Variants in MED13L observed in about 807,000 individuals in gnomAD.
MED13L encodes the protein mediator complex subunit 13L, also known as mediator of RNA polymerase II transcription subunit 13-like.
A neutral mutation model predicts 220.9 loss-of-function variants in MED13L; 7 were observed. The observed-to-expected ratio is 0.03, with a 90% CI of 0.02 to 0.06. The LOEUF is 0.06. Ranked by LOEUF, MED13L falls within the 10% of genes least tolerant of loss-of-function variation. MED13L has a pLI of 1.00. For synonymous variants in MED13L, 1,011 were observed against 1,015.2 expected (o/e 1.00, Z 0.08); for missense variants, 1,965 against 2,760.5 (o/e 0.71, Z 6.46).
chr12:116,255,090 C>A (rs1057022137), intron 1 of MED13L, among the ~76,000 whole-genome samples: 1 of 152,084 alleles, frequency 6.6e-6, no homozygotes, highest in Admixed American at 6.5e-5. Flanking sequence ...AGAATCAATA[C>A]AATTTTTAAA....
chr12:116,017,367 C>G (rs1162596579), intron 7 of MED13L, among the ~76,000 whole-genome samples: 3 of 152,008 alleles, frequency 2.0e-5, no homozygotes. Flanking sequence ...AAGTACAAGG[C>G]AAAACAAAAA....
rs1873934405 is a variant in MED13L, at chr12:116,277,141, C to A, written c.-10G>T. ...TCGCTGCCGCAGTCATGATCCTCCG[C>A]GAGCCCGGCCGCCAGAGCGGGGCAT... On this transcript the variant is annotated 5_prime_UTR_variant, in exon 1 of 31. Coordinates refer to ENST00000281928, the MANE Select transcript of MED13L (RefSeq NM_015335.5). 6.4e-7 allele frequency: 1 copy of A among 1,565,838 alleles called. No individual in the cohort carries two copies. The highest frequency in any genetic ancestry group is 8.6e-7 in the Non-Finnish European group (1 of 1,156,866).
At chr12:116,262,982 C>A (rs1031997685) in intron 1 of MED13L, among the ~76,000 whole-genome samples, 1 of 152,096 alleles carries the variant, frequency 6.6e-6, no homozygotes, top group African/African-American at 2.4e-5. Context: ...CAAGTTAAAG[C>A]GACATACTTT....
At chr12:116,090,087 T>A (rs1872058955) in intron 4 of MED13L, among the ~76,000 whole-genome samples, 1 of 152,196 alleles carries the variant, frequency 6.6e-6, no homozygotes. Flanking sequence ...ACATCCTAAA[T>A]GAGGCTGAGA....
At chr12:116,219,041 C>T (rs1001486645) in intron 2 of MED13L, among the ~76,000 whole-genome samples, 2 of 152,152 alleles carry the variant, frequency 1.3e-5, no homozygotes, top group African/African-American at 4.8e-5. Flanking sequence ...CAGCCTATAC[C>T]GAAATTCTTA....
At chr12:116,240,117 C>CTT (rs200079083) in intron 1 of MED13L, among the ~76,000 whole-genome samples, 2 of 147,540 alleles carry the variant, frequency 1.4e-5, no homozygotes, top group South Asian at 4.3e-4. Context: ...TTACAAGTTC[C>CTT]TTTTTTTTTT....
intron 1 of MED13L, among the ~76,000 whole-genome samples, chr12:116,269,347 C>T: frequency 6.6e-6 from 1 of 151,938 alleles, no homozygotes; most frequent in African/African-American, 2.4e-5. Context: ...CTGAGCACCG[C>T]ACCCGGCCTA....
intron 2 of MED13L, among the ~76,000 whole-genome samples, chr12:116,139,829 G>A (rs1446870977): frequency 3.9e-5 from 6 of 151,954 alleles, no homozygotes; most frequent in Non-Finnish European, 8.8e-5. Flanking sequence ...ATTTAGCCAG[G>A]CATGGCAGCA....
chr12:116,262,749 G>A lies in MED13L; in HGVS notation c.72+14311C>T, dbSNP rs114759553. 7.4e-3 allele frequency among the ~76,000 whole-genome samples: 1,120 copies of A among 152,282 alleles called. 21 individuals carry two copies. Among genetic ancestry groups the A allele is most frequent in the African/African-American group, 0.025 (1,054 of 41,564 alleles). On this transcript the variant is annotated intron_variant, in intron 1 of 30. Coordinates refer to ENST00000281928, the MANE Select transcript of MED13L (RefSeq NM_015335.5). The stretch of plus-strand genomic sequence containing the variant: ...TATATAACAAACTATGGATTCTCAT[G>A]AGAATCATTCCGCTGTTTAATTAAA...
intron 4 of MED13L, among the ~76,000 whole-genome samples, chr12:116,080,237 G>T: frequency 6.6e-6 from 1 of 152,010 alleles, no homozygotes; most frequent in Non-Finnish European, 1.5e-5. Context: ...TACTTGGCAG[G>T]GTTTGGATAA....
chr12:116,022,751 G>T, intron 4 of MED13L, 150 bp from the exon 5 acceptor site: 2 of 835,440 alleles, frequency 2.4e-6, no homozygotes, highest in East Asian at 2.7e-5. Context: ...TTCTAATTCA[G>T]TATTGACAAA....
rs199550041 is a variant in MED13L at position 116,237,712 on chromosome 12, A to G, written c.73-7T>C. ...TGATTCCCGTGAGTTCAGCCTGGAAAAAGACAAAAAATTGTAATCGTTTTC... is the reference window on the plus strand; with the variant it reads ...TGATTCCCGTGAGTTCAGCCTGGAAGAAGACAAAAAATTGTAATCGTTTTC... On this transcript the variant is annotated splice_region_variant and splice_polypyrimidine_tract_variant and intron_variant, in intron 1 of 30. Transcript: ENST00000281928. The G allele has an allele frequency of 2.2e-4, 351 of 1,612,014 alleles. 1 individual carries two copies. Among genetic ancestry groups the G allele is most frequent in the Admixed American group, 1.0e-3 (62 of 60,022 alleles).
intron 8 of MED13L, among the ~76,000 whole-genome samples, chr12:116,013,522 T>C (rs1378488024): frequency 6.6e-6 from 1 of 152,216 alleles, no homozygotes; most frequent in Non-Finnish European, 1.5e-5. Flanking sequence ...TATCTCATTA[T>C]GTATATGCAA....
At chr12:115,986,205 T>C in intron 19 of MED13L, 61 bp downstream of exon 19, 1 of 1,466,582 alleles carries the variant, frequency 6.8e-7, no homozygotes, top group Non-Finnish European at 9.6e-7. Flanking sequence ...AATTTAGTCA[T>C]CACTATAAAC....
At chr12:116,268,006 AAAC>A (rs1404076801) in intron 1 of MED13L, among the ~76,000 whole-genome samples, 1 of 152,230 alleles carries the variant, frequency 6.6e-6, no homozygotes, top group Non-Finnish European at 1.5e-5. Flanking sequence ...GCTGAAATAA[AAAC>A]AGCATACTTG....
At chr12:116,036,304 G>A (rs1025236725) in intron 4 of MED13L, among the ~76,000 whole-genome samples, 1 of 152,182 alleles carries the variant, frequency 6.6e-6, no homozygotes, top group Admixed American at 6.5e-5. Flanking sequence ...AATAATATGT[G>A]TCTAGCTATT....
chr12:116,241,804 G>A (rs1277668627), intron 1 of MED13L, among the ~76,000 whole-genome samples: 1 of 152,074 alleles, frequency 6.6e-6, no homozygotes, highest in Non-Finnish European at 1.5e-5. Context: ...ATTGAAAAAT[G>A]TTACAATGAA....
chr12:115,995,875 T>G (rs1878368775), intron 16 of MED13L, among the ~76,000 whole-genome samples: 1 of 152,166 alleles, frequency 6.6e-6, no homozygotes, highest in South Asian at 2.1e-4. Flanking sequence ...GTTGTATGGG[T>G]TCTCAAAGTA....
At chr12:116,093,417 C>T (rs1228828750) in intron 4 of MED13L, among the ~76,000 whole-genome samples, 1 of 151,960 alleles carries the variant, frequency 6.6e-6, no homozygotes, top group Non-Finnish European at 1.5e-5. Context: ...TGCAAATAAT[C>T]TACTTTAGAA....
Sources: allele counts gnomAD v4.1 joint callset (sites outside exome capture counted in the v4.1 genomes callset), GRCh38; gene constraint gnomAD v4.1.1; transcripts MANE v1.5; gene names NCBI Gene and HGNC (gene_info 2026-07-23, HGNC 2026-07-21).